MID1: variants seen among roughly 807,000 people sequenced by gnomAD.
MID1 encodes E3 ubiquitin-protein ligase Midline-1.
Under a neutral mutation model 40.4 loss-of-function variants are expected in MID1, and 7 were observed. That is an observed-to-expected ratio of 0.17 (90% CI 0.10 to 0.33). The LOEUF (loss-of-function observed/expected upper bound fraction) is 0.33. Among genes scored for constraint, MID1 ranks in the 10% least tolerant of loss-of-function variants. The pLI is 1.00. For missense variants in MID1, 367 were observed against 558.5 expected (o/e 0.66, Z 3.46); for synonymous variants, 229 against 221.2 (o/e 1.04, Z -0.31).
At chrX:10,616,666 G>T (rs1300062004) in intron 1 of MID1, among the ~76,000 whole-genome samples, 18 of 112,496 alleles carry the variant, frequency 1.6e-4, no homozygotes. Flanking sequence ...TGTAGCCTAT[G>T]CGGTCTACAG....
In MID1 at chrX:10,515,534, T is replaced by C. The variant is rs745624282; in HGVS notation, c.756+7558A>G. Among the ~76,000 whole-genome samples, 8 of 112,229 alleles carry C rather than the reference T, an allele frequency of 7.1e-5. No individual in the cohort carries two copies. In the South Asian group the frequency reaches 3.0e-3, roughly 42 times the overall value. On this transcript the variant is annotated intron_variant, in intron 3 of 9. Transcript: ENST00000317552. ...CAACAACAAAGATAGATTAAAAACT[T>C]AGTGAGAAAAATAATGGCAAAAAGA...
At chrX:10,751,952 A>G (rs2147114975) in intron 1 of MID1, among the ~76,000 whole-genome samples, 1 of 110,783 alleles carries the variant, frequency 9.0e-6, no homozygotes, top group African/African-American at 3.3e-5. Flanking sequence ...TGGTTGTTTA[A>G]AACAGTCTGG....
intron 1 of MID1, among the ~76,000 whole-genome samples, chrX:10,779,508 C>A (rs1156372874): frequency 8.9e-6 from 1 of 112,123 alleles, no homozygotes. Flanking sequence ...ATAATAAAAA[C>A]CTGGGTGAGG....
chrX:10,694,733 G>T lies in MID1; in HGVS notation c.-186-74314C>A, dbSNP rs189398716. ...CTGGATTGCGAATTTTACAAAGCAT[G>T]GTGAAAAAATAGATGGAGTTGAAAA... On this transcript the variant is annotated intron_variant, in intron 1 of 10. Coordinates refer to the MID1 transcript ENST00000380785. Among the ~76,000 whole-genome samples the T allele has an allele frequency of 4.4e-4, 49 of 111,939 alleles. No individual in the cohort carries two copies. The East Asian group carries it at 0.013, about 30-fold the overall frequency.
chrX:10,790,829 C>A (rs1180577376), intron 1 of MID1, among the ~76,000 whole-genome samples: 1 of 112,207 alleles, frequency 8.9e-6, no homozygotes, highest in Non-Finnish European at 1.9e-5. Flanking sequence ...CATATAGATT[C>A]TTCCACAACA....
intron 1 of MID1, among the ~76,000 whole-genome samples, chrX:10,780,989 C>G (rs920159877): frequency 8.9e-6 from 1 of 111,924 alleles, no homozygotes; most frequent in Non-Finnish European, 1.9e-5. Flanking sequence ...TGGCCTGCCA[C>G]TCACATCCTG....
At chrX:10,663,055 T>C (rs1411079052) in intron 1 of MID1, among the ~76,000 whole-genome samples, 1 of 112,048 alleles carries the variant, frequency 8.9e-6, no homozygotes, top group East Asian at 2.8e-4. Flanking sequence ...TAAAAGCATT[T>C]TGTGAGTGAC....
chrX:10,589,886 GAC>G, intron 1 of MID1: 1 of 109,345 alleles, frequency 9.1e-6, no homozygotes, highest in South Asian at 4.3e-4. Flanking sequence ...AAACTCCTCA[GAC>G]ACCGAGATAA....
At chrX:10,794,188 C>G (rs751635257) in intron 1 of MID1, among the ~76,000 whole-genome samples, 1 of 112,085 alleles carries the variant, frequency 8.9e-6, no homozygotes, top group Non-Finnish European at 1.9e-5. Context: ...ATAGTCTTGG[C>G]TCTGTAGAAG....
chrX:10,804,940 A>G (rs1465304818), intron 1 of MID1, among the ~76,000 whole-genome samples: 1 of 111,295 alleles, frequency 9.0e-6, no homozygotes, highest in Non-Finnish European at 1.9e-5. Context: ...GCCAAGCACT[A>G]AGTAAATTTT....
At chrX:10,533,391 A>AGAAAGAAAGAAAGAAAAGAAAG (rs1156280706) in intron 2 of MID1, among the ~76,000 whole-genome samples, 2 of 55,066 alleles carry the variant, frequency 3.6e-5, no homozygotes, top group East Asian at 7.7e-4. Context: ...AGAAAGAAAG[A>AGAAAGAAAGAAAGAAAAGAAAG]AAAGAAAGAA....
chrX:10,565,712 A>G (rs1409703283), intron 2 of MID1, among the ~76,000 whole-genome samples: 2 of 111,838 alleles, frequency 1.8e-5, no homozygotes, highest in African/African-American at 6.5e-5. Flanking sequence ...TGAGTTTTCA[A>G]TAATTAGACC....
chrX:10,519,382 T>C (rs1174769609), intron 3 of MID1, among the ~76,000 whole-genome samples: 1 of 112,056 alleles, frequency 8.9e-6, no homozygotes, highest in Non-Finnish European at 1.9e-5. Flanking sequence ...GCTTGTTCAC[T>C]ATTATTTCCA....
intron 2 of MID1, among the ~76,000 whole-genome samples, chrX:10,538,384 T>C (rs1435364097): frequency 3.6e-5 from 4 of 111,614 alleles, no homozygotes; most frequent in Non-Finnish European, 7.5e-5. Context: ...GTTTTCCCTT[T>C]TCTTCCCAAG....
intron 1 of MID1, among the ~76,000 whole-genome samples, chrX:10,816,608 GACTTCTCTGAATA>G (rs1263208958): frequency 8.9e-6 from 1 of 111,840 alleles, no homozygotes; most frequent in Non-Finnish European, 1.9e-5. Flanking sequence ...GTATGCAGCT[GACTTCTCTGAATA>G]CAATAGGTTC....
At chrX:10,668,004 G>A (rs2042961195) in intron 1 of MID1, among the ~76,000 whole-genome samples, 1 of 111,980 alleles carries the variant, frequency 8.9e-6, no homozygotes, top group African/African-American at 3.2e-5. Context: ...TGAAGCAAAG[G>A]CATGTATTGC....
chrX:10,669,796 T>A (rs1030561253), intron 1 of MID1, among the ~76,000 whole-genome samples: 8 of 112,447 alleles, frequency 7.1e-5, no homozygotes, highest in African/African-American at 2.6e-4. Flanking sequence ...ATCCCCTCTC[T>A]ATCTTTAAGG....
chrX:10,704,908 C>T (rs2043219199), intron 1 of MID1, among the ~76,000 whole-genome samples: 1 of 108,041 alleles, frequency 9.3e-6, no homozygotes, highest in African/African-American at 3.4e-5. Context: ...GGATCACAGG[C>T]ACGTGCCACC....
chrX:10,818,593 C>T (rs772142709), intron 1 of MID1, among the ~76,000 whole-genome samples: 2 of 112,110 alleles, frequency 1.8e-5, no homozygotes, highest in South Asian at 7.4e-4. Context: ...TACTAAGCAA[C>T]AAATTCAAAA....
Sources: allele counts gnomAD v4.1 joint callset (sites outside exome capture counted in the v4.1 genomes callset), GRCh38; gene constraint gnomAD v4.1.1; transcripts MANE v1.5; gene names NCBI Gene and HGNC (gene_info 2026-07-23, HGNC 2026-07-21).